Variants in TASP1 observed in about 807,000 individuals in gnomAD.
TASP1 encodes taspase 1.
Under a neutral mutation model 56.6 loss-of-function variants are expected in TASP1, and 16 were observed. That is an observed-to-expected ratio of 0.28 (90% CI 0.19 to 0.43). The LOEUF (loss-of-function observed/expected upper bound fraction) is 0.43, where lower values mean the gene tolerates loss of function less well. Ranked by LOEUF, TASP1 falls within the 20% of genes least tolerant of loss-of-function variation. TASP1 has a pLI of 1.00. For missense variants in TASP1, 393 were observed against 511.6 expected (o/e 0.77, Z 2.24); for synonymous variants, 179 against 184.2 (o/e 0.97, Z 0.23).
the TASP1 span, among the ~76,000 whole-genome samples, chr20:13,240,621 A>G: frequency 6.6e-6 from 1 of 152,354 alleles, no homozygotes; most frequent in East Asian, 1.9e-4. Context: ...TGGCTGTTCT[A>G]GGATTGGTGA....
At chr20:13,171,240 T>TA in the TASP1 span, among the ~76,000 whole-genome samples, 1 of 152,070 alleles carries the variant, frequency 6.6e-6, no homozygotes, top group African/African-American at 2.4e-5. Context: ...ACCAGTCTTT[T>TA]AAAAAAACGT....
At chr20:13,244,153 C>T in the TASP1 span, 1 of 152,248 alleles carries the variant, frequency 6.6e-6, no homozygotes, top group African/African-American at 2.4e-5. Flanking sequence ...ACAAGATAAA[C>T]CTAGGCAGAG....
chr20:13,439,097 G>A (rs947441812), intron 11 of TASP1, among the ~76,000 whole-genome samples: 1 of 152,178 alleles, frequency 6.6e-6, no homozygotes, highest in African/African-American at 2.4e-5. Flanking sequence ...AGTCAGTGTG[G>A]CGATTCCTCA....
the TASP1 span, among the ~76,000 whole-genome samples, chr20:13,201,636 A>T: frequency 7.9e-5 from 12 of 151,788 alleles, no homozygotes; most frequent in Admixed American, 1.3e-4. Context: ...ACTCTGGGTG[A>T]TCAGAACTAT....
chr20:13,437,845 C>T (rs2043063510), intron 11 of TASP1, among the ~76,000 whole-genome samples: 1 of 152,150 alleles, frequency 6.6e-6, no homozygotes, highest in African/African-American at 2.4e-5. Context: ...AACCACTGCT[C>T]AATGACATAA....
At chr20:13,510,710 C>T (rs529412028) in intron 10 of TASP1, among the ~76,000 whole-genome samples, 4 of 152,248 alleles carry the variant, frequency 2.6e-5, no homozygotes, top group South Asian at 2.1e-4. Context: ...CTATATTCCT[C>T]GGGCATTCAG....
At chr20:13,302,202 C>T in the TASP1 span, among the ~76,000 whole-genome samples, 127 of 152,238 alleles carry the variant, frequency 8.3e-4, no homozygotes, top group Admixed American at 1.2e-3. Context: ...GCCATGCTGT[C>T]CATGAGCTAT....
the TASP1 span, among the ~76,000 whole-genome samples, chr20:13,121,161 C>G: frequency 6.6e-6 from 1 of 152,212 alleles, no homozygotes; most frequent in Admixed American, 6.5e-5. Context: ...CACCTGCATG[C>G]CTGGTGCCGA....
intron 11 of TASP1, among the ~76,000 whole-genome samples, chr20:13,473,925 T>G (rs2044619507): frequency 6.6e-6 from 1 of 151,984 alleles, no homozygotes; most frequent in Admixed American, 6.6e-5. Context: ...AATTAAAAAT[T>G]TAGCTGGATG....
intron 11 of TASP1, among the ~76,000 whole-genome samples, chr20:13,440,640 T>C (rs1256621812): frequency 8.0e-5 from 12 of 149,434 alleles, no homozygotes; most frequent in Admixed American, 8.0e-4. Context: ...AGGATGTGAA[T>C]AGCTAGAGTA....
At chr20:13,279,168 G>A in the TASP1 span, among the ~76,000 whole-genome samples, 1 of 152,168 alleles carries the variant, frequency 6.6e-6, no homozygotes, top group Non-Finnish European at 1.5e-5. Flanking sequence ...TTAGGATAGT[G>A]CCTGGTACAG....
At chr20:13,274,762 C>T in the TASP1 span, among the ~76,000 whole-genome samples, 1 of 147,900 alleles carries the variant, frequency 6.8e-6, no homozygotes, top group Non-Finnish European at 1.5e-5. Context: ...AGCATTTTAA[C>T]TCCCAGAAGT....
chr20:13,434,800 T>C (rs6079065), intron 12 of TASP1, among the ~76,000 whole-genome samples: 38,571 of 152,092 alleles, frequency 0.25, 6,054 homozygotes, highest in Non-Finnish European at 0.34. Flanking sequence ...TACTGGACTT[T>C]AGTAAAGGTC....
chr20:13,105,505 T>C, the TASP1 span, among the ~76,000 whole-genome samples: 57 of 152,332 alleles, frequency 3.7e-4, no homozygotes, highest in African/African-American at 1.3e-3. Context: ...TTTTTAAAAA[T>C]GGAGAAAAGC....
At chr20:13,382,217 G>A in the TASP1 span, among the ~76,000 whole-genome samples, 1 of 152,184 alleles carries the variant, frequency 6.6e-6, no homozygotes, top group Non-Finnish European at 1.5e-5. Context: ...GCCAGTTTCA[G>A]TAAATTTTTC....
the TASP1 span, among the ~76,000 whole-genome samples, chr20:13,135,265 T>C: frequency 6.6e-6 from 1 of 152,212 alleles, no homozygotes; most frequent in South Asian, 2.1e-4. Context: ...TAGGTGTTGA[T>C]TTATCATAGG....
chr20:13,499,210 C>T (rs1455674980), intron 10 of TASP1, among the ~76,000 whole-genome samples: 2 of 152,012 alleles, frequency 1.3e-5, no homozygotes, highest in East Asian at 1.9e-4. Flanking sequence ...AACACAAAAA[C>T]AGAAAACCAA....
the TASP1 span, among the ~76,000 whole-genome samples, chr20:13,194,699 C>G: frequency 6.6e-6 from 1 of 152,120 alleles, no homozygotes; most frequent in African/African-American, 2.4e-5. Context: ...ATCTTTTTCT[C>G]ATATACATTT....
the TASP1 span, chr20:13,239,014 G>T: frequency 4.6e-5 from 7 of 152,350 alleles, no homozygotes; most frequent in East Asian, 5.8e-4. Context: ...TCCTTACTGA[G>T]AGTGTGAAGT....
Sources: gnomAD v4.1 joint callset for allele counts (sites outside exome capture counted in the v4.1 genomes callset) on GRCh38, gnomAD v4.1.1 for gene constraint, MANE v1.5 for transcripts, NCBI Gene and HGNC (gene_info 2026-07-23, HGNC 2026-07-21) for gene names.